The following GSAP variants were observed in gnomAD, a reference collection of about 807,000 sequenced individuals.
The protein encoded by GSAP is gamma-secretase activating protein.
Under a neutral mutation model 131.7 loss-of-function variants are expected in GSAP, and 118 were observed. The ratio of observed to expected loss-of-function variants is 0.90; its 90% CI spans 0.77 to 1.04. The LOEUF is 1.04. Ranked by LOEUF, GSAP falls within the 50% of genes least tolerant of loss-of-function variation. The pLI is 0.00. For missense variants in GSAP, 1,019 were observed against 1,013.2 expected, an observed-to-expected ratio of 1.01 and a Z score of -0.08; for synonymous variants, 381 against 363.4, an observed-to-expected ratio of 1.05 and a Z score of -0.55.
At chr7:77,383,823 A>G (rs558908888) in intron 6 of GSAP, among the ~76,000 whole-genome samples, 1 of 152,318 alleles carries the variant, frequency 6.6e-6, no homozygotes, top group East Asian at 1.9e-4. Context: ...TTTATGTCCC[A>G]ATCTCCGAGT....
In GSAP at chr7:77,414,772, T is replaced by C. The variant is rs73362783; in HGVS notation, c.109+1441A>G. The stretch of plus-strand genomic sequence containing the variant: ...GGAGTCCAGAAAAAGGAGTACTTGG[T>C]AGTAGAAGACAGAGCTGCCTGTTGT... On this transcript the variant is annotated intron_variant, in intron 1 of 30. Transcript: ENST00000257626. 3.5e-3 allele frequency among the ~76,000 whole-genome samples: 524 copies of C among 149,774 alleles called. 3 individuals are homozygous for C. Among genetic ancestry groups the C allele is most frequent in the African/African-American group, 0.012 (509 of 40,802 alleles).
chr7:77,395,794 A>G (rs1800281628), intron 5 of GSAP, among the ~76,000 whole-genome samples: 1 of 152,200 alleles, frequency 6.6e-6, no homozygotes, highest in African/African-American at 2.4e-5. Context: ...ATCACATGCA[A>G]TGGCAGGAAA....
In GSAP at chr7:77,375,925, AT is replaced by A. The variant is rs113939474; in HGVS notation, c.742-825del. Among the ~76,000 whole-genome samples the A allele has an allele frequency of 3.2e-3, 492 of 151,942 alleles. 4 individuals are homozygous for A. The highest frequency in any genetic ancestry group is 0.011 in the African/African-American group (442 of 41,466). ...TTAAGAACACTTCACCACAATTCTA[AT>A]TTTTTTTAATCTTTTTTTAAAAAAT... On this transcript the variant is annotated intron_variant, in intron 10 of 30. Coordinates refer to ENST00000257626, the MANE Select transcript of GSAP (RefSeq NM_017439.4).
intron 19 of GSAP, among the ~76,000 whole-genome samples, chr7:77,344,529 T>C (rs75698830): frequency 6.6e-6 from 1 of 152,120 alleles, no homozygotes; most frequent in Non-Finnish European, 1.5e-5. Context: ...ATCCGTACTA[T>C]CTTCTGTCTA....
intron 26 of GSAP, 58 bp downstream of exon 26, chr7:77,320,667 G>C (rs557046580): frequency 1.0e-6 from 1 of 956,632 alleles, no homozygotes; most frequent in Non-Finnish European, 1.7e-6. Flanking sequence ...AAAGGCAAGG[G>C]CCCATATGAA....
rs1473093970 is a variant in GSAP at position 77,374,065 on chromosome 7, T to C, written c.871+5A>G. 1.4e-6 allele frequency: 2 copies of C among 1,480,730 alleles called. No homozygotes were observed. The highest frequency in any genetic ancestry group is 1.9e-6 in the Non-Finnish European group (2 of 1,064,274). The allele number at this position is 1,480,730 out of a possible 1,614,324, so 91.7% of individuals were successfully genotyped here. A position where few individuals can be genotyped will look rare whatever the true frequency, so the allele number is the denominator to read the frequency against. Reference sequence around the variant, plus strand: ...AATAAATTGATAAATACAACCCTAGTTTACCTGTATGGTTGGTAAAAACAC... The same window carrying C: ...AATAAATTGATAAATACAACCCTAGCTTACCTGTATGGTTGGTAAAAACAC... On this transcript the variant is annotated splice_donor_5th_base_variant and intron_variant, in intron 12 of 30. Transcript: ENST00000257626.
chr7:77,350,362 A>G (rs568593475), intron 18 of GSAP, among the ~76,000 whole-genome samples: 2 of 150,336 alleles, frequency 1.3e-5, no homozygotes, highest in East Asian at 3.9e-4. Context: ...AGCATGGCAC[A>G]TGTATACATA....
At chr7:77,372,555 T>G (rs866030920) in intron 12 of GSAP, among the ~76,000 whole-genome samples, 4 of 152,246 alleles carry the variant, frequency 2.6e-5, no homozygotes, top group Non-Finnish European at 4.4e-5. Context: ...TTAGGTGTTA[T>G]GATGTCTGCA....
At chr7:77,321,468 G>T in intron 24 of GSAP, 65 bp from the exon 25 acceptor site, 1 of 997,528 alleles carries the variant, frequency 1.0e-6, no homozygotes, top group Non-Finnish European at 1.6e-6. Context: ...CCACAGCTAG[G>T]CCTCCACAAC....
chr7:77,334,658 A>G (rs899020726), intron 19 of GSAP, among the ~76,000 whole-genome samples: 1 of 151,594 alleles, frequency 6.6e-6, no homozygotes, highest in African/African-American at 2.4e-5. Context: ...CAGTTATCCA[A>G]CAAAGCAAAT....
At chr7:77,349,955 A>C (rs764764225) in intron 18 of GSAP, among the ~76,000 whole-genome samples, 2 of 152,126 alleles carry the variant, frequency 1.3e-5, no homozygotes, top group African/African-American at 4.8e-5. Flanking sequence ...ATGCTGCTAT[A>C]AAGACACATG....
chr7:77,317,037 A>G (rs1795037603), intron 26 of GSAP, among the ~76,000 whole-genome samples: 1 of 152,144 alleles, frequency 6.6e-6, no homozygotes, highest in Non-Finnish European at 1.5e-5. Context: ...AAGCAAGCAC[A>G]CTTACGCATG....
chr7:77,368,444 C>T (rs1055419447), intron 12 of GSAP, among the ~76,000 whole-genome samples: 1 of 152,160 alleles, frequency 6.6e-6, no homozygotes, highest in African/African-American at 2.4e-5. Flanking sequence ...TACTGGACAA[C>T]ACAGCTCTAG....
At chr7:77,320,944 A>T in intron 25 of GSAP, 125 bp from the exon 26 acceptor site, 2 of 657,926 alleles carry the variant, frequency 3.0e-6, no homozygotes. Context: ...TATGCCTTGT[A>T]GAAAGCCCCA....
intron 1 of GSAP, chr7:77,415,523 C>T (rs1020356919): frequency 7.2e-5 from 11 of 152,310 alleles, no homozygotes; most frequent in African/African-American, 2.7e-4. Context: ...ATCAAAAAGC[C>T]CGGAGTGGCA....
chr7:77,338,871 C>T (rs1790455136), intron 19 of GSAP, among the ~76,000 whole-genome samples: 1 of 152,146 alleles, frequency 6.6e-6, no homozygotes, highest in African/African-American at 2.4e-5. Flanking sequence ...AAAGGAAGTG[C>T]TTCAGAATGC....
At chr7:77,345,291 T>A (rs991356261) in intron 19 of GSAP, among the ~76,000 whole-genome samples, 19 of 152,198 alleles carry the variant, frequency 1.2e-4, no homozygotes, top group Admixed American at 9.8e-4. Context: ...CAGCTTAATC[T>A]ATACCACTCT....
chr7:77,351,596 G>A, intron 18 of GSAP: 1 of 985,802 alleles, frequency 1.0e-6, no homozygotes, highest in Non-Finnish European at 1.2e-6. Context: ...TCAGTACAGG[G>A]AGGTTATAAC....
chr7:77,414,844 C>CTTGTTTTTTTT (rs1803996427), intron 1 of GSAP, among the ~76,000 whole-genome samples: 1 of 59,858 alleles, frequency 1.7e-5, no homozygotes, highest in Non-Finnish European at 2.8e-5. Flanking sequence ...ATGTGGGCGA[C>CTTGTTTTTTTT]TTTTTTTTTT....
Sources: allele counts gnomAD v4.1 joint callset (sites outside exome capture counted in the v4.1 genomes callset), GRCh38; gene constraint gnomAD v4.1.1; transcripts MANE v1.5; gene names NCBI Gene and HGNC (gene_info 2026-07-23, HGNC 2026-07-21).